AKT3: variants seen among roughly 807,000 people sequenced by gnomAD.
The protein encoded by AKT3 is AKT serine/threonine kinase 3.
In AKT3, 15 loss-of-function variants were observed where a neutral mutation model predicts 65.3. The observed-to-expected ratio is 0.23, with a 90% CI of 0.15 to 0.35. The LOEUF is 0.35. AKT3 is among the 10% of genes least tolerant of loss of function. The pLI is 1.00. For missense variants in AKT3, 243 were observed against 576.5 expected (o/e 0.42, Z 5.92); for synonymous variants, 206 against 183.8 (o/e 1.12, Z -0.98).
chr1:243,843,057 C>T, intron 2 of AKT3, 68 bp downstream of exon 2: 1 of 1,528,514 alleles, frequency 6.5e-7, no homozygotes, highest in African/African-American at 1.4e-5. Context: ...AAAAGATCAA[C>T]TTCTAAGACA....
rs1432126102 is a variant in AKT3 at position 243,501,508 on chromosome 1, A to C, written c.*3741T>G. ...TACATCCATCCTAAATCCAGTGCTG[A>C]GAGGTCAGCGTTTCCCCTCAGAAGC... is the stretch of plus-strand genomic sequence containing the variant. On this transcript the variant is annotated 3_prime_UTR_variant, in exon 14 of 14. Coordinates refer to ENST00000673466, the MANE Select transcript of AKT3 (RefSeq NM_005465.7). 2 of 233,130 alleles carry C rather than the reference A, an allele frequency of 8.6e-6. No individual in the cohort carries two copies. The highest frequency in any genetic ancestry group is 1.7e-5 in the Non-Finnish European group (2 of 118,038). The allele number at this position is 233,130 out of a possible 1,614,324, so 14.4% of individuals were successfully genotyped here.
At chr1:243,780,224 G>A (rs1475307137) in intron 2 of AKT3, among the ~76,000 whole-genome samples, 2 of 152,022 alleles carry the variant, frequency 1.3e-5, no homozygotes, top group Non-Finnish European at 2.9e-5. Flanking sequence ...CTGTAACCAG[G>A]TGATCAAAAT....
chr1:243,781,367 G>A (rs1014069291), intron 2 of AKT3, among the ~76,000 whole-genome samples: 3 of 152,006 alleles, frequency 2.0e-5, no homozygotes, highest in Admixed American at 6.6e-5. Flanking sequence ...ATGGGGAAGC[G>A]TTGGTTCATT....
At chr1:243,685,384 T>A (rs907461147) in intron 3 of AKT3, among the ~76,000 whole-genome samples, 2 of 152,098 alleles carry the variant, frequency 1.3e-5, no homozygotes, top group Non-Finnish European at 2.9e-5. Flanking sequence ...CCAGTTTCAG[T>A]TTTCTGCATA....
intron 12 of AKT3, among the ~76,000 whole-genome samples, chr1:243,516,266 T>C (rs955714130): frequency 6.6e-6 from 1 of 152,246 alleles, no homozygotes; most frequent in African/African-American, 2.4e-5. Context: ...TTCAGCTAAA[T>C]AGTTGAATTT....
At chr1:243,803,345 G>A (rs1692493322) in intron 2 of AKT3, among the ~76,000 whole-genome samples, 1 of 152,086 alleles carries the variant, frequency 6.6e-6, no homozygotes, top group Admixed American at 6.5e-5. Context: ...ATCCAGGTTG[G>A]TGGGGCAAGT....
chr1:243,725,901 A>G (rs1458010963), intron 2 of AKT3, among the ~76,000 whole-genome samples: 1 of 152,226 alleles, frequency 6.6e-6, no homozygotes. Flanking sequence ...ATAGCTAAAA[A>G]GTACACACAG....
At chr1:243,517,702 G>T (rs1255173989) in intron 12 of AKT3, among the ~76,000 whole-genome samples, 1 of 152,094 alleles carries the variant, frequency 6.6e-6, no homozygotes, top group African/African-American at 2.4e-5. Context: ...ATTTAAAGTT[G>T]GTTTCTTATA....
At chr1:243,611,359 C>T (rs1426957551) in intron 8 of AKT3, among the ~76,000 whole-genome samples, 2 of 152,252 alleles carry the variant, frequency 1.3e-5, no homozygotes, top group Admixed American at 6.5e-5. Flanking sequence ...CTTTTTGTTT[C>T]TACCAAGATC....
intron 12 of AKT3, among the ~76,000 whole-genome samples, chr1:243,527,459 C>G (rs1671185717): frequency 6.6e-6 from 1 of 152,084 alleles, no homozygotes; most frequent in Non-Finnish European, 1.5e-5. Flanking sequence ...CTAAGTTGTG[C>G]TTTATATAAT....
rs115697406 is a variant in AKT3 at position 243,833,471 on chromosome 1, G to A, written c.46+9654C>T. The stretch of plus-strand genomic sequence containing the variant: ...AAACCATCAGATCTCATGAGAACTC[G>A]ATAACACGAGAACAGCATGGGGGAA... On this transcript the variant is annotated intron_variant, in intron 2 of 13. Transcript: ENST00000673466. Among the ~76,000 whole-genome samples, 890 of 152,008 alleles carry A rather than the reference G, an allele frequency of 5.9e-3. 4 individuals are homozygous for A. Among genetic ancestry groups the A allele is most frequent in the African/African-American group, 0.021 (858 of 41,432 alleles).
At chr1:243,630,237 C>T (rs1553419426) in intron 6 of AKT3, among the ~76,000 whole-genome samples, 1 of 152,170 alleles carries the variant, frequency 6.6e-6, no homozygotes, top group Non-Finnish European at 1.5e-5. Flanking sequence ...CCAGAAGTCT[C>T]AACCAGTGCA....
chr1:243,795,462 G>GTTTTTTTTTTGTTT (rs1691913404), intron 2 of AKT3, among the ~76,000 whole-genome samples: 1 of 105,400 alleles, frequency 9.5e-6, no homozygotes, highest in Non-Finnish European at 1.9e-5. Context: ...TTTTTTTTTT[G>GTTTTTTTTTTGTTT]TTTTTTTTTT....
At chr1:243,560,339 C>A (rs989505300) in intron 10 of AKT3, among the ~76,000 whole-genome samples, 2 of 152,082 alleles carry the variant, frequency 1.3e-5, no homozygotes, top group South Asian at 2.1e-4. Context: ...ATAAATAATT[C>A]TTTGATGAAT....
At chr1:243,733,986 A>G (rs1366705855) in intron 2 of AKT3, among the ~76,000 whole-genome samples, 4 of 152,234 alleles carry the variant, frequency 2.6e-5, no homozygotes, top group Non-Finnish European at 2.9e-5. Context: ...TTTCAAATGT[A>G]TTAATATAAA....
At chr1:243,658,587 C>A (rs913502594) in intron 4 of AKT3, among the ~76,000 whole-genome samples, 1 of 152,132 alleles carries the variant, frequency 6.6e-6, no homozygotes, top group African/African-American at 2.4e-5. Context: ...AAAAGTAGAA[C>A]TACCAAATGA....
chr1:243,618,526 CT>C (rs2148615411), intron 6 of AKT3, among the ~76,000 whole-genome samples: 1 of 152,120 alleles, frequency 6.6e-6, no homozygotes. Context: ...AATGTGATGC[CT>C]TTTAAAAAAT....
At chr1:243,611,815 C>G (rs1677892054) in intron 8 of AKT3, among the ~76,000 whole-genome samples, 1 of 152,194 alleles carries the variant, frequency 6.6e-6, no homozygotes, top group Non-Finnish European at 1.5e-5. Flanking sequence ...GTCCTATCAT[C>G]CACCAGTGAT....
chr1:243,849,386 A>ACACCCCC (rs1695655591), intron 1 of AKT3, among the ~76,000 whole-genome samples: 1 of 107,020 alleles, frequency 9.3e-6, no homozygotes, highest in Non-Finnish European at 1.8e-5. Context: ...CCACACACAC[A>ACACCCCC]CCCCCCCCCC....
Sources: gnomAD v4.1 joint callset for allele counts (sites outside exome capture counted in the v4.1 genomes callset) on GRCh38, gnomAD v4.1.1 for gene constraint, MANE v1.5 for transcripts, NCBI Gene and HGNC (gene_info 2026-07-23, HGNC 2026-07-21) for gene names.